Variants in RGN observed in about 807,000 individuals in gnomAD.
The protein encoded by RGN is epididymis secretory protein Li 41.
In RGN, 19 loss-of-function variants were observed where a neutral mutation model predicts 20.6. The ratio of observed to expected loss-of-function variants is 0.92; its 90% CI spans 0.64 to 1.35. The LOEUF (loss-of-function observed/expected upper bound fraction) is 1.35. Ranked by LOEUF, RGN falls within the 40% of genes most tolerant of loss-of-function variation. The pLI, the probability that RGN is intolerant of heterozygous loss-of-function variation, is 0.00. For synonymous variants in RGN, 85 were observed against 87.2 expected (o/e 0.97, Z 0.14); for missense variants, 302 against 232.7 (o/e 1.30, Z -1.94).
At position 47,080,894 on chromosome X, in the gene RGN, T is replaced by C. The variant is rs1472522779; in HGVS notation, c.-58T>C. On this transcript the variant is annotated 5_prime_UTR_variant, in exon 2 of 8. Coordinates refer to ENST00000397180, the MANE Select transcript of RGN (RefSeq NM_152869.4). ...AGGAGTGGAGGTCAGAGTGTCACTT[T>C]TTTGTTTTCTTTTTGAAAGATCATT... 2 of 323,535 alleles carry C rather than the reference T, an allele frequency of 6.2e-6. No individual in the cohort carries two copies. Among genetic ancestry groups the C allele is most frequent in the African/African-American group, 5.4e-5 (2 of 37,285 alleles). 26.7% of individuals were successfully genotyped at this position (323,535 alleles called of 1,213,427 possible). A position where few individuals can be genotyped will look rare whatever the true frequency, so the allele number is the denominator to read the frequency against.
At chrX:47,082,947 G>A (rs1260870657) in intron 3 of RGN, among the ~76,000 whole-genome samples, 2 of 110,820 alleles carry the variant, frequency 1.8e-5, no homozygotes, top group Non-Finnish European at 3.8e-5. Context: ...GTGTGAGCAG[G>A]GCTTTGAGCT....
intron 3 of RGN, among the ~76,000 whole-genome samples, chrX:47,081,930 C>T (rs1239213965): frequency 8.9e-6 from 1 of 112,122 alleles, no homozygotes; most frequent in Non-Finnish European, 1.9e-5. Flanking sequence ...AAGTTAAAGA[C>T]CCAGTTATCT....
intron 5 of RGN, among the ~76,000 whole-genome samples, chrX:47,090,957 A>AAAGAAAGAAAG (rs1930974997): frequency 1.9e-5 from 1 of 53,218 alleles, no homozygotes; most frequent in Non-Finnish European, 4.3e-5. Flanking sequence ...AGAAAGAAAG[A>AAAGAAAGAAAG]AAGAAAGAAA....
chrX:47,084,353 A>T lies in RGN; in HGVS notation c.164-65A>T. ...CGCTCTAAGAGATGCCAGGTAGCACAGTGATCTCAGTGGCCTCAGCCACTA... is the reference window on the plus strand; with the variant it reads ...CGCTCTAAGAGATGCCAGGTAGCACTGTGATCTCAGTGGCCTCAGCCACTA... On this transcript the variant is annotated intron_variant, in intron 3 of 7. Coordinates refer to ENST00000397180, the MANE Select transcript of RGN (RefSeq NM_152869.4). The T allele has an allele frequency of 4.1e-6, 4 of 974,734 alleles. No individual in the cohort carries two copies. In the South Asian group the frequency reaches 9.9e-5, roughly 24 times the overall value. 80.3% of individuals were successfully genotyped at this position (974,734 alleles called of 1,213,427 possible). A position where few individuals can be genotyped will look rare whatever the true frequency, so the allele number is the denominator to read the frequency against.
chrX:47,083,492 T>A (rs1183455376), intron 3 of RGN, among the ~76,000 whole-genome samples: 1 of 112,110 alleles, frequency 8.9e-6, no homozygotes, highest in African/African-American at 3.2e-5. Flanking sequence ...AATGAAGAGA[T>A]GTGATTGTAC....
chrX:47,083,921 C>CA (rs199616987), intron 3 of RGN, among the ~76,000 whole-genome samples: 1,167 of 60,546 alleles, frequency 0.019, 18 homozygotes, highest in East Asian at 0.077. Context: ...TCAAACAAAA[C>CA]AAACAAAAAA....
rs1463135471 is a variant in RGN, at chrX:47,080,451, T to A, written c.-501T>A. ...CGGTGTCTTCCTGGGAAGCAAGAAA[T>A]CACTGAGGGCCTGTCAGTTCCTGCC... On this transcript the variant is annotated 5_prime_UTR_variant, in exon 2 of 8. Coordinates refer to ENST00000397180, the MANE Select transcript of RGN (RefSeq NM_152869.4). 2 of 111,575 alleles carry A rather than the reference T, an allele frequency of 1.8e-5. No homozygotes were observed. The highest frequency in any genetic ancestry group is 3.8e-5 in the Non-Finnish European group (2 of 53,152). The allele number at this position is 111,575 out of a possible 1,213,427, so 9.2% of individuals were successfully genotyped here. A position where few individuals can be genotyped will look rare whatever the true frequency, so the allele number is the denominator to read the frequency against.
intron 4 of RGN, among the ~76,000 whole-genome samples, chrX:47,086,230 A>G (rs1930582598): frequency 9.0e-6 from 1 of 111,437 alleles, no homozygotes; most frequent in African/African-American, 3.3e-5. Flanking sequence ...TTGATGTTAT[A>G]CATTCCTGAC....
intron 4 of RGN, among the ~76,000 whole-genome samples, chrX:47,088,945 A>AAAG (rs1183398981): frequency 1.3e-4 from 11 of 83,386 alleles, no homozygotes; most frequent in East Asian, 4.1e-4. Context: ...AAAAAAAAAA[A>AAAG]AAGAAGAAGA....
Position 47,085,761 on chromosome X carries a change from T to A in RGN, c.346+1161T>A, listed in dbSNP as rs1930560705. Among the ~76,000 whole-genome samples the A allele has an allele frequency of 1.8e-5, 2 of 111,250 alleles. 1 individual carries two copies. The highest frequency in any genetic ancestry group is 7.6e-4 in the South Asian group (2 of 2,648). On this transcript the variant is annotated intron_variant, in intron 4 of 7. Transcript: ENST00000397180. ...TCCTCCCAAGTGCTGGGATTACAGG[T>A]GTGAGCCACTGCACCTGGCCTATCT...
intron 4 of RGN, 70 bp downstream of exon 4, chrX:47,084,670 C>CT: frequency 1.0e-6 from 1 of 976,618 alleles, no homozygotes; most frequent in Non-Finnish European, 1.4e-6. Flanking sequence ...AAAGTTCTCA[C>CT]TACTGACCAG....
chrX:47,085,776 C>G (rs1556384062), intron 4 of RGN, among the ~76,000 whole-genome samples: 10 of 111,588 alleles, frequency 9.0e-5, no homozygotes, highest in Non-Finnish European at 1.9e-4. Flanking sequence ...GCCACTGCAC[C>G]TGGCCTATCT....
chrX:47,082,361 A>G (rs5905583), intron 3 of RGN, among the ~76,000 whole-genome samples: 28,163 of 90,864 alleles, frequency 0.31, 3,523 homozygotes, highest in Admixed American at 0.48. Flanking sequence ...CCCAGGCTGG[A>G]GTGCAATAAT....
intron 3 of RGN, among the ~76,000 whole-genome samples, chrX:47,081,822 C>G (rs958613359): frequency 1.8e-5 from 2 of 112,275 alleles, no homozygotes; most frequent in Non-Finnish European, 3.8e-5. Context: ...GTTGGGATTA[C>G]AAGCGTGAGC....
chrX:47,091,664 C>T lies in RGN; in HGVS notation c.563-14C>T. 8.4e-7 allele frequency: 1 copy of T among 1,196,302 alleles called. No individual in the cohort carries two copies. Among genetic ancestry groups the T allele is most frequent in the Admixed American group, 2.3e-5 (1 of 42,741 alleles). On this transcript the variant is annotated splice_polypyrimidine_tract_variant and intron_variant, in intron 5 of 7. Transcript: ENST00000397180. ...TGTTGTGGTTCTGTTTTTGTTTTTG[C>T]CTTTTAACCATAGCCAACCGCAGAA...
chrX:47,089,285 G>C (rs1930764598), intron 4 of RGN, among the ~76,000 whole-genome samples: 1 of 92,245 alleles, frequency 1.1e-5, no homozygotes, highest in East Asian at 3.4e-4. Context: ...TTCTTATCTT[G>C]AACCAGAACT....
rs782209650 is a variant in RGN at position 47,081,265 on chromosome X, C to T, written c.121C>T (p.Arg41Trp). The T allele has an allele frequency of 4.6e-5, 56 of 1,208,307 alleles. No individual in the cohort carries two copies. The highest frequency in any genetic ancestry group is 1.5e-4 in the East Asian group (5 of 33,732). ...FVDIPAKKVC[R>W]WDSFTKQVQR... ...AGACATTCCTGCAAAAAAGGTTTGC[C>T]GGTGGGATTCATTCACCAAGCAAGT... is the stretch of plus-strand genomic sequence containing the variant. The change falls in exon 3 of 8, where the codon CGG becomes TGG. Residue 41 changes from arginine to tryptophan, a missense_variant. Physicochemically the swap from Arg to Trp is moderately radical, Grantham distance 101. Transcript: ENST00000397180.
At chrX:47,088,419 G>A (rs782491619) in intron 4 of RGN, among the ~76,000 whole-genome samples, 10 of 110,386 alleles carry the variant, frequency 9.1e-5, no homozygotes, top group African/African-American at 3.0e-4. Flanking sequence ...GGAAACTGCC[G>A]AGGGAACATC....
rs782314561 is a variant in RGN, at chrX:47,089,959, C to T, written c.530C>T (p.Ala177Val). The T allele has an allele frequency of 1.4e-4, 165 of 1,200,908 alleles. 2 individuals carry two copies. In the East Asian group the frequency reaches 4.9e-3, roughly 35 times the overall value. Reference sequence around the variant, plus strand: ...GACAGCCTGTCCTACTCCGTGGATGCCTTTGACTATGACCTGCAGACAGGA... The same window carrying T: ...GACAGCCTGTCCTACTCCGTGGATGTCTTTGACTATGACCTGCAGACAGGA... ...YIDSLSYSVD[A>V]FDYDLQTGQI... Residue 177 changes from alanine (A) to valine (V), a missense_variant, in exon 5 of 8, where the codon GCC becomes GTC. By Grantham distance (64) the Ala-to-Val change is moderately conservative (BLOSUM62 0). Coordinates refer to ENST00000397180, the MANE Select transcript of RGN (RefSeq NM_152869.4).
Sources: allele counts gnomAD v4.1 joint callset (sites outside exome capture counted in the v4.1 genomes callset), GRCh38; gene constraint gnomAD v4.1.1; transcripts MANE v1.5; gene names NCBI Gene and HGNC (gene_info 2026-07-23, HGNC 2026-07-21).